Variants in MTA3 observed in about 807,000 individuals in gnomAD.
The protein encoded by MTA3 is metastasis-associated protein MTA3.
In MTA3, 34 loss-of-function variants were observed where a neutral mutation model predicts 83.5. The ratio of observed to expected loss-of-function variants is 0.41; its 90% CI spans 0.31 to 0.54. The LOEUF is 0.54. MTA3 is among the 20% of genes least tolerant of loss of function. The pLI is 0.33. For synonymous variants in MTA3, 303 were observed against 252.7 expected (o/e 1.20, Z -1.89); for missense variants, 761 against 726.4 (o/e 1.05, Z -0.55).
At chr2:42,694,649 A>T (rs1172608674) in intron 9 of MTA3, among the ~76,000 whole-genome samples, 2 of 152,206 alleles carry the variant, frequency 1.3e-5, no homozygotes, top group Non-Finnish European at 1.5e-5. Context: ...GAGGGGTGGC[A>T]TCAGCGATTC....
At chr2:42,608,343 A>T (rs1292324365) in intron 3 of MTA3, among the ~76,000 whole-genome samples, 1 of 152,246 alleles carries the variant, frequency 6.6e-6, no homozygotes. Context: ...TAGACCTGCA[A>T]GTAAATGGCC....
At chr2:42,550,049 A>C (rs1255586509) in intron 2 of MTA3, among the ~76,000 whole-genome samples, 1 of 152,116 alleles carries the variant, frequency 6.6e-6, no homozygotes, top group Non-Finnish European at 1.5e-5. Context: ...CTGGCAATTC[A>C]GATATGCCAA....
intron 12 of MTA3, among the ~76,000 whole-genome samples, chr2:42,707,156 C>T (rs1666168103): frequency 1.3e-5 from 2 of 152,102 alleles, no homozygotes; most frequent in Non-Finnish European, 2.9e-5. Context: ...TATTAGATTC[C>T]TGACTTTATC....
intron 14 of MTA3, among the ~76,000 whole-genome samples, chr2:42,716,448 AT>A (rs1667037083): frequency 6.6e-6 from 1 of 152,132 alleles, no homozygotes; most frequent in South Asian, 2.1e-4. Flanking sequence ...CCTAGTACCC[AT>A]TAGTTATTCT....
chr2:42,515,096 G>T (rs1197148485), intron 2 of MTA3, among the ~76,000 whole-genome samples: 1 of 151,482 alleles, frequency 6.6e-6, no homozygotes, highest in African/African-American at 2.4e-5. Flanking sequence ...TCGCTCTGTT[G>T]TGCCCAGGCT....
chr2:42,539,505 G>A (rs180700726), intron 2 of MTA3, among the ~76,000 whole-genome samples: 3 of 151,986 alleles, frequency 2.0e-5, no homozygotes, highest in African/African-American at 4.8e-5. Context: ...CACCACATGC[G>A]GGGATTATGG....
chr2:42,679,879 C>A (rs1691715748), intron 8 of MTA3, among the ~76,000 whole-genome samples: 1 of 150,692 alleles, frequency 6.6e-6, no homozygotes, highest in Admixed American at 6.6e-5. Context: ...TTCTTTAAGA[C>A]TCAAAACAAT....
At chr2:42,669,939 A>C (rs1387202125) in intron 8 of MTA3, among the ~76,000 whole-genome samples, 1 of 152,202 alleles carries the variant, frequency 6.6e-6, no homozygotes, top group Non-Finnish European at 1.5e-5. Context: ...TGTATTTACA[A>C]GTATGAGTTA....
intron 6 of MTA3, among the ~76,000 whole-genome samples, chr2:42,652,954 A>G (rs2104349039): frequency 6.6e-6 from 1 of 152,336 alleles, no homozygotes; most frequent in East Asian, 1.9e-4. Flanking sequence ...ATTTGGAACA[A>G]AGAATGTTTC....
intron 8 of MTA3, among the ~76,000 whole-genome samples, chr2:42,663,535 A>T (rs1218932897): frequency 1.3e-5 from 2 of 152,182 alleles, no homozygotes; most frequent in African/African-American, 4.8e-5. Flanking sequence ...CTGAGGCAGG[A>T]TGATCACTTG....
intron 6 of MTA3, among the ~76,000 whole-genome samples, chr2:42,650,399 C>G (rs566427635): frequency 2.0e-5 from 3 of 151,938 alleles, no homozygotes; most frequent in African/African-American, 7.3e-5. Context: ...ATGGTCTGGT[C>G]TATTTCTGTA....
chr2:42,527,207 C>T (rs147372248), intron 2 of MTA3, among the ~76,000 whole-genome samples: 219 of 152,168 alleles, frequency 1.4e-3, no homozygotes, highest in South Asian at 0.014. Flanking sequence ...CTGAACCAAC[C>T]AATCAGGCCT....
At position 42,629,093 on chromosome 2, in the gene MTA3, T is replaced by A. The variant is rs193128681; in HGVS notation, c.318-11080T>A. ...ATGATAGAGCAATATATATATATAT[T>A]TTTTGAGACGGAGTCTTGCTCTGTG... On this transcript the variant is annotated intron_variant, in intron 4 of 16. Coordinates refer to ENST00000405094, the MANE Select transcript of MTA3 (RefSeq NM_001330442.2). Among the ~76,000 whole-genome samples the A allele has an allele frequency of 4.5e-3, 680 of 151,890 alleles. 2 individuals are homozygous for A. Among genetic ancestry groups the A allele is most frequent in the Non-Finnish European group, 6.8e-3 (461 of 67,990 alleles).
At chr2:42,607,468 C>G (rs1249196730) in intron 3 of MTA3, among the ~76,000 whole-genome samples, 1 of 152,132 alleles carries the variant, frequency 6.6e-6, no homozygotes, top group East Asian at 1.9e-4. Context: ...CACCTTCCAC[C>G]TCCTGGGCTC....
At chr2:42,536,096 G>T (rs189314118) in intron 2 of MTA3, among the ~76,000 whole-genome samples, 3 of 151,758 alleles carry the variant, frequency 2.0e-5, no homozygotes, top group Non-Finnish European at 4.4e-5. Context: ...CTCCAGCCTG[G>T]GCAACAGTGA....
At chr2:42,704,436 C>T in intron 12 of MTA3, 118 bp downstream of exon 12, 1 of 1,193,066 alleles carries the variant, frequency 8.4e-7, no homozygotes, top group Non-Finnish European at 1.2e-6. Flanking sequence ...AAGCATGTCT[C>T]CTCTAAATGA....
intron 16 of MTA3, among the ~76,000 whole-genome samples, chr2:42,740,939 C>T (rs189433722): frequency 6.6e-6 from 1 of 152,352 alleles, no homozygotes; most frequent in East Asian, 1.9e-4. Flanking sequence ...AAGGCATTGG[C>T]TTCTCTCTAG....
chr2:42,628,460 C>A (rs1261501105), intron 4 of MTA3, among the ~76,000 whole-genome samples: 2 of 152,068 alleles, frequency 1.3e-5, no homozygotes, highest in East Asian at 1.9e-4. Context: ...TCTCAAACTG[C>A]TGACTTCAGG....
intron 2 of MTA3, among the ~76,000 whole-genome samples, chr2:42,530,184 C>CA (rs11372241): frequency 0.35 from 47,905 of 135,976 alleles, 7,803 homozygotes; most frequent in Middle Eastern, 0.43. Flanking sequence ...AACTCCATCT[C>CA]AAAAAAAAAA....
Sources: allele counts gnomAD v4.1 joint callset (sites outside exome capture counted in the v4.1 genomes callset), GRCh38; gene constraint gnomAD v4.1.1; transcripts MANE v1.5; gene names NCBI Gene and HGNC (gene_info 2026-07-23, HGNC 2026-07-21).